KLF13: variants seen among roughly 807,000 people sequenced by gnomAD.
KLF13 encodes Krueppel-like factor 13.
A neutral mutation model predicts 16.7 loss-of-function variants in KLF13; 8 were observed. The ratio of observed to expected loss-of-function variants is 0.48; its 90% CI spans 0.28 to 0.87. The LOEUF (loss-of-function observed/expected upper bound fraction) is 0.87, where lower values mean the gene tolerates loss of function less well. KLF13 is among the 40% of genes least tolerant of loss of function. The pLI, the probability that KLF13 is intolerant of heterozygous loss-of-function variation, is 0.10. For missense variants in KLF13, 447 were observed against 452.2 expected, an observed-to-expected ratio of 0.99 and a Z score of 0.10; for synonymous variants, 245 against 208.4, an observed-to-expected ratio of 1.18 and a Z score of -1.51.
chr15:31,339,937 C>T (rs1244682981), intron 1 of KLF13: 2 of 702,354 alleles, frequency 2.8e-6, no homozygotes, highest in East Asian at 2.7e-5. Flanking sequence ...CCCTGCTCTG[C>T]CCACCCATGG....
chr15:31,357,411 C>G (rs1191019092), intron 1 of KLF13, among the ~76,000 whole-genome samples: 1 of 152,228 alleles, frequency 6.6e-6, no homozygotes, highest in Non-Finnish European at 1.5e-5. Context: ...GCCCAGAGAG[C>G]CTCGAGCTGC....
At chr15:31,353,247 G>A (rs915913598) in intron 1 of KLF13, among the ~76,000 whole-genome samples, 1 of 152,198 alleles carries the variant, frequency 6.6e-6, no homozygotes, top group Non-Finnish European at 1.5e-5. Flanking sequence ...TAGTTACTGG[G>A]GGTGTTTACA....
chr15:31,424,906 A>ACACACACACACACAC (rs1566849363), intron 1 of KLF13, among the ~76,000 whole-genome samples: 1 of 48,520 alleles, frequency 2.1e-5, no homozygotes, highest in African/African-American at 7.3e-5. Flanking sequence ...CACACACACA[A>ACACACACACACACAC]AGCTCTTAGA....
intron 1 of KLF13, among the ~76,000 whole-genome samples, chr15:31,344,582 C>T (rs548950975): frequency 6.6e-6 from 1 of 152,318 alleles, no homozygotes; most frequent in East Asian, 1.9e-4. Flanking sequence ...TGGGCCAGGC[C>T]AGGGGCCCTG....
intron 1 of KLF13, among the ~76,000 whole-genome samples, chr15:31,328,624 C>A (rs1487605066): frequency 5.3e-5 from 8 of 151,880 alleles, no homozygotes; most frequent in Admixed American, 3.3e-4. Context: ...GCACCTGCAC[C>A]AGGGCGGGCG....
chr15:31,435,224 G>A (rs1159151431), intron 1 of KLF13: 2 of 152,256 alleles, frequency 1.3e-5, no homozygotes, highest in Non-Finnish European at 2.9e-5. Flanking sequence ...GGACACTGGG[G>A]ACAGCTCGGG....
intron 1 of KLF13, among the ~76,000 whole-genome samples, chr15:31,385,467 G>C (rs1336622270): frequency 6.6e-6 from 1 of 152,202 alleles, no homozygotes; most frequent in Non-Finnish European, 1.5e-5. Context: ...AATCCACCTT[G>C]AACAAGTCTA....
intron 1 of KLF13, among the ~76,000 whole-genome samples, chr15:31,410,471 C>T (rs1214426759): frequency 6.6e-6 from 1 of 151,942 alleles, no homozygotes; most frequent in Non-Finnish European, 1.5e-5. Context: ...AATAAAAAGG[C>T]AATCCAAATT....
intron 1 of KLF13, among the ~76,000 whole-genome samples, chr15:31,365,822 A>G: frequency 6.6e-6 from 1 of 151,832 alleles, no homozygotes. Flanking sequence ...GGGAGAGGGG[A>G]GGGCCTGGGA....
chr15:31,366,018 C>T (rs2039464149), intron 1 of KLF13: 1 of 152,210 alleles, frequency 6.6e-6, no homozygotes, highest in Non-Finnish European at 1.5e-5. Context: ...CGCTGCTCCG[C>T]TCGCGGCCTC....
chr15:31,339,012 G>A (rs775020786), intron 1 of KLF13, among the ~76,000 whole-genome samples: 1 of 152,120 alleles, frequency 6.6e-6, no homozygotes, highest in Admixed American at 6.5e-5. Context: ...GAGACACTGT[G>A]GGGGAGGCTG....
chr15:31,429,992 C>T lies in KLF13; in HGVS notation n.118-5378C>T, dbSNP rs551344787. 8.5e-5 allele frequency among the ~76,000 whole-genome samples: 13 copies of T among 152,216 alleles called. No homozygotes were observed. In the East Asian group the frequency reaches 2.5e-3, roughly 29 times the overall value. On this transcript the variant is annotated intron_variant and non_coding_transcript_variant, in intron 1 of 1. Transcript: ENST00000558225. The stretch of plus-strand genomic sequence containing the variant: ...CTTGTGACCGCCCGCCTTGGCCTCC[C>T]AAAGTGCTGGGATTACAGATATGAG...
intron 2 of KLF13, among the ~76,000 whole-genome samples, chr15:31,402,028 C>T (rs1350376075): frequency 3.9e-5 from 6 of 152,256 alleles, no homozygotes; most frequent in Non-Finnish European, 8.8e-5. Context: ...CCATCCACTT[C>T]GCAGAATGCA....
At chr15:31,423,870 A>G (rs948624359) in intron 1 of KLF13, among the ~76,000 whole-genome samples, 1 of 152,224 alleles carries the variant, frequency 6.6e-6, no homozygotes, top group African/African-American at 2.4e-5. Context: ...AAACGGGTAG[A>G]TCACAAATAT....
intron 1 of KLF13, among the ~76,000 whole-genome samples, chr15:31,332,702 C>G (rs2038854204): frequency 6.6e-6 from 1 of 152,234 alleles, no homozygotes; most frequent in Non-Finnish European, 1.5e-5. Flanking sequence ...CCCTTAGATC[C>G]TGTGTGCTCC....
At chr15:31,389,035 G>A (rs957437660), upstream of KLF13, among the ~76,000 whole-genome samples, 1 of 152,068 alleles carries the variant, frequency 6.6e-6, no homozygotes, top group African/African-American at 2.4e-5. Context: ...TGAACAACAT[G>A]GGTTTGAACT....
At chr15:31,400,174 C>T (rs34482222) in intron 2 of KLF13, among the ~76,000 whole-genome samples, 80,862 of 152,106 alleles carry the variant, frequency 0.53, 22,653 homozygotes, top group South Asian at 0.66. Flanking sequence ...ACCTGGCCTT[C>T]CTCAATGGGG....
chr15:31,364,212 A>G (rs1215147953), intron 1 of KLF13, among the ~76,000 whole-genome samples: 2 of 152,196 alleles, frequency 1.3e-5, no homozygotes, highest in Non-Finnish European at 2.9e-5. Context: ...AAGTTATCCT[A>G]TTCGAAAACA....
intron 1 of KLF13, among the ~76,000 whole-genome samples, chr15:31,331,536 AGCAGAGCAGAGGGCATCTG>A (rs1444328550): frequency 2.6e-5 from 4 of 152,168 alleles, no homozygotes; most frequent in Admixed American, 6.5e-5. Context: ...TGCCTGGGAA[AGCAGAGCAGAGGGCATCTG>A]GCAGAGCAGA....
Sources: gnomAD v4.1 joint callset for allele counts (sites outside exome capture counted in the v4.1 genomes callset) on GRCh38, gnomAD v4.1.1 for gene constraint, MANE v1.5 for transcripts, NCBI Gene and HGNC (gene_info 2026-07-23, HGNC 2026-07-21) for gene names.